The following TFAP2D variants were observed in gnomAD, a reference collection of about 807,000 sequenced individuals.
The protein encoded by TFAP2D is transcription factor AP-2 delta, also known as transcription factor AP-2-delta.
Under a neutral mutation model 43.6 loss-of-function variants are expected in TFAP2D, and 9 were observed. The observed-to-expected ratio is 0.21, with a 90% CI of 0.12 to 0.36. TFAP2D has a LOEUF of 0.36. Ranked by LOEUF, TFAP2D falls within the 10% of genes least tolerant of loss-of-function variation. TFAP2D has a pLI of 1.00. For synonymous variants in TFAP2D, 256 were observed against 224.9 expected (o/e 1.14, Z -1.24); for missense variants, 513 against 561.4 (o/e 0.91, Z 0.87).
At chr6:50,723,500 T>C (rs1038378199) in intron 3 of TFAP2D, among the ~76,000 whole-genome samples, 5 of 152,164 alleles carry the variant, frequency 3.3e-5, no homozygotes, top group African/African-American at 9.7e-5. Flanking sequence ...ATCACTACTC[T>C]CGCTAGCCAA....
At chr6:50,718,207 G>A (rs1365761612) in intron 2 of TFAP2D, 1 of 152,020 alleles carries the variant, frequency 6.6e-6, no homozygotes, top group African/African-American at 2.4e-5. Context: ...TGAAAAGGGG[G>A]GTCTTACAGG....
In TFAP2D at chr6:50,715,435, G is replaced by A; in HGVS notation, c.359G>A (p.Arg120Gln). 2 of 1,614,108 alleles carry A rather than the reference G, an allele frequency of 1.2e-6. No individual in the cohort carries two copies. Among genetic ancestry groups the A allele is most frequent in the African/African-American group, 1.3e-5 (1 of 75,030 alleles). The change falls in exon 2 of 8, where the codon CGG (arginine) becomes CAG (glutamine). Residue 120 changes from arginine (R) to glutamine (Q), a missense_variant. By Grantham distance (43) the Arg-to-Gln change is conservative. Transcript: ENST00000008391. ...PTDFINLHNA[R>Q]ALKSSCLDEQ... The stretch of plus-strand genomic sequence containing the variant: ...GACTTTATTAACCTGCACAATGCGC[G>A]GGCGCTCAAGTCGTCCTGCCTGGAC...
At chr6:50,718,656 T>C (rs1768665387) in intron 2 of TFAP2D, among the ~76,000 whole-genome samples, 1 of 152,144 alleles carries the variant, frequency 6.6e-6, no homozygotes, top group Admixed American at 6.5e-5. Context: ...ACATCTTGTA[T>C]CCTGCATATG....
chr6:50,757,421 TAGA>T (rs1769288910), intron 7 of TFAP2D, among the ~76,000 whole-genome samples: 2 of 121,442 alleles, frequency 1.6e-5, no homozygotes, highest in Non-Finnish European at 3.2e-5. Context: ...TCTCTCTATA[TAGA>T]ATATATATAG....
chr6:50,713,966 A>G lies in TFAP2D; in HGVS notation c.-90A>G. The G allele has an allele frequency of 1.9e-6, 3 of 1,575,916 alleles. No individual in the cohort carries two copies. The highest frequency in any genetic ancestry group is 2.6e-6 in the Non-Finnish European group (3 of 1,151,590). On this transcript the variant is annotated 5_prime_UTR_variant, in exon 1 of 8. Coordinates refer to ENST00000008391, the MANE Select transcript of TFAP2D (RefSeq NM_172238.4). ...TAGAACATTTTTTTTTTCCTTTAAA[A>G]ATTGGAAAATACAAGAAGTTTGGAT...
intron 3 of TFAP2D, among the ~76,000 whole-genome samples, chr6:50,722,844 T>C (rs1257526968): frequency 6.6e-6 from 1 of 151,130 alleles, no homozygotes; most frequent in East Asian, 2.0e-4. Context: ...GAGGAAAAAA[T>C]GAAAAAAGTG....
At chr6:50,744,651 A>G (rs1219188759) in intron 5 of TFAP2D, among the ~76,000 whole-genome samples, 1 of 152,166 alleles carries the variant, frequency 6.6e-6, no homozygotes, top group Non-Finnish European at 1.5e-5. Context: ...GAAAAGTTAT[A>G]TGGACCCTTC....
chr6:50,749,100 C>T (rs1769164312), intron 6 of TFAP2D, among the ~76,000 whole-genome samples: 1 of 151,676 alleles, frequency 6.6e-6, no homozygotes, highest in Non-Finnish European at 1.5e-5. Context: ...AGGGAATCTA[C>T]AGGATTGTCA....
At chr6:50,721,757 T>A (rs928497313) in intron 3 of TFAP2D, among the ~76,000 whole-genome samples, 1 of 152,226 alleles carries the variant, frequency 6.6e-6, no homozygotes, top group Non-Finnish European at 1.5e-5. Flanking sequence ...ACATGAAACA[T>A]GATTTATTGC....
At chr6:50,737,476 T>C (rs1316639156) in intron 5 of TFAP2D, among the ~76,000 whole-genome samples, 2 of 152,134 alleles carry the variant, frequency 1.3e-5, no homozygotes, top group Non-Finnish European at 1.5e-5. Context: ...TTTAAATAAA[T>C]AATACAAACA....
chr6:50,754,837 G>A (rs1387417661), intron 7 of TFAP2D, among the ~76,000 whole-genome samples: 2 of 151,496 alleles, frequency 1.3e-5, no homozygotes, highest in African/African-American at 2.4e-5. Flanking sequence ...TTATTAAGCT[G>A]GAGGTTTTTA....
At chr6:50,724,373 T>C (rs553141043) in intron 3 of TFAP2D, among the ~76,000 whole-genome samples, 3 of 152,264 alleles carry the variant, frequency 2.0e-5, no homozygotes, top group Non-Finnish European at 4.4e-5. Context: ...TAAACATCTG[T>C]TTGGCTGTAA....
chr6:50,720,098 C>T (rs569970591), intron 3 of TFAP2D, among the ~76,000 whole-genome samples: 1 of 152,300 alleles, frequency 6.6e-6, no homozygotes, highest in South Asian at 2.1e-4. Flanking sequence ...TAACTTCATA[C>T]GAATTAATAA....
chr6:50,739,209 T>C (rs1022219530), intron 5 of TFAP2D, among the ~76,000 whole-genome samples: 1 of 152,156 alleles, frequency 6.6e-6, no homozygotes, highest in Non-Finnish European at 1.5e-5. Flanking sequence ...CTCCTAATGC[T>C]ATCCCTCTCC....
At chr6:50,767,535 T>A (rs1769461351) in intron 7 of TFAP2D, among the ~76,000 whole-genome samples, 1 of 152,204 alleles carries the variant, frequency 6.6e-6, no homozygotes, top group Non-Finnish European at 1.5e-5. Flanking sequence ...TACTTCTTTC[T>A]CCCAGGAATT....
chr6:50,764,519 T>C (rs892388251), intron 7 of TFAP2D, among the ~76,000 whole-genome samples: 2 of 152,162 alleles, frequency 1.3e-5, no homozygotes, highest in Non-Finnish European at 2.9e-5. Context: ...GTGCAATATA[T>C]CCATGCAATG....
chr6:50,745,277 C>T (rs1769109774), intron 6 of TFAP2D, 29 bp downstream of exon 6: 13 of 1,604,008 alleles, frequency 8.1e-6, no homozygotes, highest in Non-Finnish European at 1.1e-5. Flanking sequence ...CCTCTGTGTG[C>T]TTTCATCTTC....
intron 7 of TFAP2D, among the ~76,000 whole-genome samples, chr6:50,761,750 A>C (rs1009235248): frequency 6.6e-6 from 1 of 152,254 alleles, no homozygotes; most frequent in East Asian, 1.9e-4. Flanking sequence ...GCATTTATCT[A>C]GCATACAATT....
chr6:50,771,148 T>A (rs1561943304), intron 7 of TFAP2D, among the ~76,000 whole-genome samples: 1 of 152,224 alleles, frequency 6.6e-6, no homozygotes, highest in African/African-American at 2.4e-5. Context: ...TATTAGTTTT[T>A]GTTATTAGTT....
Sources: gnomAD v4.1 joint callset for allele counts (sites outside exome capture counted in the v4.1 genomes callset) on GRCh38, gnomAD v4.1.1 for gene constraint, MANE v1.5 for transcripts, NCBI Gene and HGNC (gene_info 2026-07-23, HGNC 2026-07-21) for gene names.